The following KIF16B variants were observed in gnomAD, a reference collection of about 807,000 sequenced individuals.
KIF16B encodes the protein kinesin family member 16B, also known as kinesin-like protein KIF16B.
In KIF16B, 98 loss-of-function variants were observed where a neutral mutation model predicts 156.3. The ratio of observed to expected loss-of-function variants is 0.63; its 90% CI spans 0.53 to 0.74. KIF16B has a LOEUF of 0.74. KIF16B is among the 30% of genes least tolerant of loss of function. The pLI, the probability that KIF16B is intolerant of heterozygous loss-of-function variation, is 0.00. For missense variants in KIF16B, 1,421 were observed against 1,606.5 expected (o/e 0.88, Z 1.97); for synonymous variants, 564 against 583.7 (o/e 0.97, Z 0.49).
Position 16,430,052 on chromosome 20 carries a change from CA to C in KIF16B, c.1303-71del, listed in dbSNP as rs2066458316. The C allele has an allele frequency of 1.5e-5, 22 of 1,423,646 alleles. No individual in the cohort carries two copies. The South Asian group carries it at 3.0e-4, about 19-fold the overall frequency. The allele number at this position is 1,423,646 out of a possible 1,614,324, so 88.2% of individuals were successfully genotyped here. On this transcript the variant is annotated intron_variant, in intron 12 of 25. Transcript: ENST00000354981. ...AGAGAACTTCAAATTAGGTGTTCTTCAGATTGTCAGAATGGGCAATATTTTA... is the reference window on the plus strand; with the variant it reads ...AGAGAACTTCAAATTAGGTGTTCTTCGATTGTCAGAATGGGCAATATTTTA...
intron 17 of KIF16B, among the ~76,000 whole-genome samples, chr20:16,403,116 CACT>C (rs1454573246): frequency 6.6e-6 from 1 of 152,148 alleles, no homozygotes. Flanking sequence ...AAGGTACCAC[CACT>C]GTGGAGGATA....
At chr20:16,326,139 C>A (rs963602898) in intron 24 of KIF16B, among the ~76,000 whole-genome samples, 2 of 151,806 alleles carry the variant, frequency 1.3e-5, no homozygotes, top group Non-Finnish European at 2.9e-5. Flanking sequence ...ATCCTATATG[C>A]AAATCAACTC....
chr20:16,542,232 C>A (rs1161767091), intron 1 of KIF16B, among the ~76,000 whole-genome samples: 1 of 152,042 alleles, frequency 6.6e-6, no homozygotes, highest in Admixed American at 6.6e-5. Context: ...ATGTGCAGAA[C>A]CATTACTGAA....
intron 1 of KIF16B, among the ~76,000 whole-genome samples, chr20:16,557,619 A>C (rs2070898113): frequency 6.6e-6 from 1 of 152,216 alleles, no homozygotes; most frequent in Admixed American, 6.5e-5. Flanking sequence ...AATACATCCA[A>C]GCTCACAAAA....
rs1362529274 is a variant in KIF16B, at chr20:16,272,575, C to T, written c.*678G>A. On this transcript the variant is annotated 3_prime_UTR_variant, in exon 26 of 26. Coordinates refer to ENST00000354981, the MANE Select transcript of KIF16B (RefSeq NM_024704.5). ...GAATATTCAAGGTTAAATAAATATCCTAATTGTAGGGATTTATAGAAGTTT... is the reference window on the plus strand; with the variant it reads ...GAATATTCAAGGTTAAATAAATATCTTAATTGTAGGGATTTATAGAAGTTT... 1 of 152,496 alleles carries T rather than the reference C, an allele frequency of 6.6e-6. No homozygotes were observed. Among genetic ancestry groups the T allele is most frequent in the Non-Finnish European group, 1.5e-5 (1 of 68,026 alleles). 9.4% of individuals were successfully genotyped at this position (152,496 alleles called of 1,614,324 possible). A position where few individuals can be genotyped will look rare whatever the true frequency, so the allele number is the denominator to read the frequency against.
intron 12 of KIF16B, among the ~76,000 whole-genome samples, chr20:16,463,053 T>C (rs1323705070): frequency 6.6e-6 from 1 of 152,230 alleles, no homozygotes; most frequent in Admixed American, 6.5e-5. Context: ...ATGGCACACC[T>C]GGTCCAACCA....
rs533664476 is a variant in KIF16B at position 16,506,963 on chromosome 20, C to T, written c.700-773G>A. On this transcript the variant is annotated intron_variant, in intron 7 of 25. Coordinates refer to ENST00000354981, the MANE Select transcript of KIF16B (RefSeq NM_024704.5). ...CTTAAAAAAAAAAAAATTAGCTGGG[C>T]GTGGTGTTGTGCACTGCAGTCCCAG... 3.3e-5 allele frequency among the ~76,000 whole-genome samples: 5 copies of T among 151,524 alleles called. 1 individual carries two copies. The highest frequency in any genetic ancestry group is 4.2e-4 in the South Asian group (2 of 4,778).
In KIF16B at chr20:16,281,109, CATT is replaced by C. The variant is rs766445438; in HGVS notation, c.3796-7701_3796-7699del. On this transcript the variant is annotated intron_variant, in intron 25 of 25. Coordinates refer to ENST00000354981, the MANE Select transcript of KIF16B (RefSeq NM_024704.5). The stretch of plus-strand genomic sequence containing the variant: ...ATTCTAATGATTTTTCCGGCCATCT[CATT>C]GTTGTGAGGTCCTCTTTATTTTACA... 4.6e-5 allele frequency among the ~76,000 whole-genome samples: 7 copies of C among 152,118 alleles called. No homozygotes were observed. The East Asian group carries it at 5.8e-4, about 13-fold the overall frequency.
chr20:16,452,698 G>A (rs2067114221), intron 12 of KIF16B, among the ~76,000 whole-genome samples: 1 of 152,042 alleles, frequency 6.6e-6, no homozygotes, highest in Non-Finnish European at 1.5e-5. Flanking sequence ...AGCTGGGCGT[G>A]GTGGTGGGTG....
chr20:16,338,878 A>C (rs748759062), intron 23 of KIF16B, among the ~76,000 whole-genome samples: 4 of 152,162 alleles, frequency 2.6e-5, no homozygotes, highest in Non-Finnish European at 5.9e-5. Context: ...AGTCTTTAAC[A>C]CCTCTCTCCA....
intron 25 of KIF16B, among the ~76,000 whole-genome samples, chr20:16,306,643 A>T (rs1251199655): frequency 1.3e-5 from 2 of 152,048 alleles, no homozygotes; most frequent in Non-Finnish European, 2.9e-5. Flanking sequence ...AGATACTGCT[A>T]TTGTTACATT....
intron 12 of KIF16B, among the ~76,000 whole-genome samples, chr20:16,434,073 C>A (rs868118862): frequency 2.8e-4 from 42 of 152,144 alleles, no homozygotes; most frequent in East Asian, 2.1e-3. Flanking sequence ...TAAAAAAAAA[C>A]CCCACAAACT....
intron 25 of KIF16B, among the ~76,000 whole-genome samples, chr20:16,278,358 G>C (rs2063095632): frequency 6.6e-6 from 1 of 152,158 alleles, no homozygotes; most frequent in Non-Finnish European, 1.5e-5. Context: ...AAGAATTTAA[G>C]AATAATAAGA....
At chr20:16,436,230 A>G (rs1471310108) in intron 12 of KIF16B, among the ~76,000 whole-genome samples, 1 of 152,080 alleles carries the variant, frequency 6.6e-6, no homozygotes, top group Non-Finnish European at 1.5e-5. Flanking sequence ...TTGCCTGGCC[A>G]TATCTGTGAC....
chr20:16,491,211 C>T (rs1185341245), intron 12 of KIF16B, among the ~76,000 whole-genome samples: 1 of 152,102 alleles, frequency 6.6e-6, no homozygotes, highest in Non-Finnish European at 1.5e-5. Flanking sequence ...CACCAGGAAA[C>T]CCAAAGCCCC....
chr20:16,390,546 T>C (rs1295282941), intron 17 of KIF16B, among the ~76,000 whole-genome samples: 3 of 152,072 alleles, frequency 2.0e-5, no homozygotes, highest in Non-Finnish European at 2.9e-5. Context: ...CCATAGAGTG[T>C]GAGAGAGAGG....
chr20:16,430,134 T>C, intron 12 of KIF16B, 152 bp from the exon 13 acceptor site: 3 of 808,500 alleles, frequency 3.7e-6, no homozygotes, highest in Non-Finnish European at 3.7e-6. Flanking sequence ...GTTGAAATCC[T>C]GGCAGGTAAT....
chr20:16,531,936 C>A (rs895734630), intron 1 of KIF16B, among the ~76,000 whole-genome samples: 1 of 151,804 alleles, frequency 6.6e-6, no homozygotes, highest in African/African-American at 2.4e-5. Context: ...GGTGTGGTGG[C>A]GGGCACCTGT....
chr20:16,383,346 C>T (rs985654907), intron 17 of KIF16B, among the ~76,000 whole-genome samples: 2 of 152,170 alleles, frequency 1.3e-5, no homozygotes, highest in African/African-American at 4.8e-5. Flanking sequence ...AGGATGTGAA[C>T]TCATGGCAGT....
Sources: allele counts gnomAD v4.1 joint callset (sites outside exome capture counted in the v4.1 genomes callset), GRCh38; gene constraint gnomAD v4.1.1; transcripts MANE v1.5; gene names NCBI Gene and HGNC (gene_info 2026-07-23, HGNC 2026-07-21).